Variants in FSTL5 observed in about 807,000 individuals in gnomAD.
FSTL5 encodes the protein follistatin like 5.
FSTL5 carries 62 observed loss-of-function variants against 89.1 expected under a neutral mutation model. The ratio of observed to expected loss-of-function variants is 0.70; its 90% CI spans 0.57 to 0.86. The LOEUF (loss-of-function observed/expected upper bound fraction) is 0.86, where lower values mean the gene tolerates loss of function less well. Among genes scored for constraint, FSTL5 ranks in the 40% least tolerant of loss-of-function variants. The probability of loss-of-function intolerance (pLI) is 0.00; values close to 1 mark genes in which losing one functional copy is unlikely to be tolerated. For synonymous variants in FSTL5, 383 were observed against 346.2 expected, an observed-to-expected ratio of 1.11 and a Z score of -1.18; for missense variants, 1,057 against 1,001.6, an observed-to-expected ratio of 1.06 and a Z score of -0.75.
chr4:161,613,622 A>G (rs1734734796), intron 7 of FSTL5, among the ~76,000 whole-genome samples: 1 of 152,160 alleles, frequency 6.6e-6, no homozygotes. Context: ...TTCTTCAAAT[A>G]TCATCCACCA....
At chr4:161,726,411 A>T (rs1184485517) in intron 6 of FSTL5, among the ~76,000 whole-genome samples, 2 of 151,458 alleles carry the variant, frequency 1.3e-5, no homozygotes, top group Non-Finnish European at 2.9e-5. Context: ...ATTTTTTAGT[A>T]GAGATGGGGT....
At chr4:161,916,721 A>T (rs1379100165) in intron 4 of FSTL5, among the ~76,000 whole-genome samples, 1 of 152,164 alleles carries the variant, frequency 6.6e-6, no homozygotes, top group African/African-American at 2.4e-5. Context: ...TCACTAAAAA[A>T]ATTATTGGTA....
intron 1 of FSTL5, among the ~76,000 whole-genome samples, chr4:162,137,615 T>C (rs1379292485): frequency 6.6e-6 from 1 of 152,130 alleles, no homozygotes; most frequent in Non-Finnish European, 1.5e-5. Flanking sequence ...CATTAACTGA[T>C]GGATTGAATA....
intron 10 of FSTL5, among the ~76,000 whole-genome samples, chr4:161,534,829 A>G (rs1448434566): frequency 2.0e-5 from 3 of 152,154 alleles, no homozygotes; most frequent in African/African-American, 4.8e-5. Flanking sequence ...ACTATACTAC[A>G]GGGAGACAGT....
intron 10 of FSTL5, among the ~76,000 whole-genome samples, chr4:161,524,310 T>C (rs1374208378): frequency 6.6e-6 from 1 of 152,102 alleles, no homozygotes; most frequent in Non-Finnish European, 1.5e-5. Flanking sequence ...ATCAATGTAT[T>C]TCCTGAATGT....
At chr4:161,481,203 C>T (rs201852430) in intron 12 of FSTL5, 34 bp from the exon 13 acceptor site, 20 of 1,543,372 alleles carry the variant, frequency 1.3e-5, no homozygotes, top group Non-Finnish European at 1.7e-5. Context: ...GAAATTTATA[C>T]CTTAAATTAT....
In FSTL5 at chr4:161,916,844, TA is replaced by T. The variant is rs529674376; in HGVS notation, c.409+3559del. Among the ~76,000 whole-genome samples the T allele has an allele frequency of 2.2e-3, 337 of 152,294 alleles. 2 individuals carry two copies. The highest frequency in any genetic ancestry group is 7.8e-3 in the African/African-American group (326 of 41,580). On this transcript the variant is annotated intron_variant, in intron 4 of 15. Coordinates refer to ENST00000306100, the MANE Select transcript of FSTL5 (RefSeq NM_020116.5). ...AAGAGGATATACAGATATAGGTATA[TA>T]AAAAATATTTTATATAGAAATGTAG...
intron 3 of FSTL5, among the ~76,000 whole-genome samples, chr4:161,931,658 T>C (rs916002820): frequency 6.6e-6 from 1 of 151,860 alleles, no homozygotes; most frequent in East Asian, 1.9e-4. Flanking sequence ...AATAAACTGG[T>C]GGTCACAAAT....
At position 161,999,086 on chromosome 4, in the gene FSTL5, C is replaced by T. The variant is rs145656202; in HGVS notation, c.160+34539G>A. 2.1e-3 allele frequency among the ~76,000 whole-genome samples: 322 copies of T among 152,176 alleles called. 3 individuals are homozygous for T. The highest frequency in any genetic ancestry group is 0.017 in the East Asian group (86 of 5,162). ...TTCAGGTTTCTAAGGGAAACTAGGC[C>T]AAGGACCAAGGGTAGGATCCATTCA... On this transcript the variant is annotated intron_variant, in intron 3 of 15. Coordinates refer to ENST00000306100, the MANE Select transcript of FSTL5 (RefSeq NM_020116.5).
chr4:161,972,635 T>C lies in FSTL5; in HGVS notation c.161-51983A>G, dbSNP rs545832512. On this transcript the variant is annotated intron_variant, in intron 3 of 15. Transcript: ENST00000306100. The stretch of plus-strand genomic sequence containing the variant: ...GTCAATAACCAACTGAGCCAGTAAG[T>C]GGATCCTTCTTTGCCGGTTGCAGTT... Among the ~76,000 whole-genome samples the C allele has an allele frequency of 3.3e-5, 5 of 152,282 alleles. No homozygotes were observed. The South Asian group carries it at 1.0e-3, about 32-fold the overall frequency.
chr4:162,104,695 C>A (rs984096025), intron 2 of FSTL5, among the ~76,000 whole-genome samples: 3 of 152,172 alleles, frequency 2.0e-5, no homozygotes, highest in Non-Finnish European at 4.4e-5. Context: ...AATGAACTGT[C>A]CTTTGTCTTT....
At chr4:161,389,093 G>T (rs557358057) in intron 15 of FSTL5, among the ~76,000 whole-genome samples, 214 of 152,070 alleles carry the variant, frequency 1.4e-3, no homozygotes, top group Non-Finnish European at 2.6e-3. Context: ...ATTAGGAAGT[G>T]GTGTCTCTAA....
At chr4:161,698,028 T>A (rs1738236296) in intron 6 of FSTL5, among the ~76,000 whole-genome samples, 1 of 151,970 alleles carries the variant, frequency 6.6e-6, no homozygotes. Context: ...TAACCCCCAA[T>A]GTGATGGCAT....
At chr4:161,842,918 G>A (rs751325117) in intron 4 of FSTL5, among the ~76,000 whole-genome samples, 1 of 151,992 alleles carries the variant, frequency 6.6e-6, no homozygotes, top group Non-Finnish European at 1.5e-5. Context: ...AAGGAAATGA[G>A]AAAAATTAGA....
chr4:161,695,667 G>A (rs548071358), intron 6 of FSTL5, among the ~76,000 whole-genome samples: 2 of 152,068 alleles, frequency 1.3e-5, no homozygotes, highest in South Asian at 4.1e-4. Context: ...CAGGAGTTAG[G>A]TGGTATTGCA....
intron 8 of FSTL5, among the ~76,000 whole-genome samples, chr4:161,549,999 C>T (rs1208864600): frequency 3.3e-5 from 5 of 151,864 alleles, no homozygotes; most frequent in African/African-American, 1.2e-4. Flanking sequence ...CACGTCAGGA[C>T]TACAGCCGAC....
Position 161,803,437 on chromosome 4 carries a change from A to T in FSTL5, c.410-27363T>A, listed in dbSNP as rs996018553. Among the ~76,000 whole-genome samples, 109 of 152,132 alleles carry T rather than the reference A, an allele frequency of 7.2e-4. 2 individuals are homozygous for T. The highest frequency in any genetic ancestry group is 1.3e-4 in the Non-Finnish European group (9 of 67,912). On this transcript the variant is annotated intron_variant, in intron 4 of 15. Coordinates refer to ENST00000306100, the MANE Select transcript of FSTL5 (RefSeq NM_020116.5). Reference sequence around the variant, plus strand: ...AATATTAAAAATACTCATAGTGATAAGTATCACTTTTACTACATCACGTAA... The same window carrying T: ...AATATTAAAAATACTCATAGTGATATGTATCACTTTTACTACATCACGTAA...
intron 6 of FSTL5, among the ~76,000 whole-genome samples, chr4:161,708,875 T>C (rs1398982089): frequency 6.6e-6 from 1 of 152,166 alleles, no homozygotes; most frequent in South Asian, 2.1e-4. Context: ...ATATGAGGCA[T>C]TTACAAAACA....
chr4:161,738,352 T>C (rs1451280789), intron 6 of FSTL5, among the ~76,000 whole-genome samples: 2 of 152,036 alleles, frequency 1.3e-5, no homozygotes, highest in Non-Finnish European at 2.9e-5. Context: ...ACAATACATA[T>C]GATTTAGCTC....
Sources: allele counts gnomAD v4.1 joint callset (sites outside exome capture counted in the v4.1 genomes callset), GRCh38; gene constraint gnomAD v4.1.1; transcripts MANE v1.5; gene names NCBI Gene and HGNC (gene_info 2026-07-23, HGNC 2026-07-21).